COMMD1: variants seen among roughly 807,000 people sequenced by gnomAD.
COMMD1 encodes copper metabolism domain containing 1.
COMMD1 carries 10 observed loss-of-function variants against 17.2 expected under a neutral mutation model. That is an observed-to-expected ratio of 0.58 (90% CI 0.36 to 0.99). COMMD1 has a LOEUF of 0.99. Among genes scored for constraint, COMMD1 ranks in the 50% least tolerant of loss-of-function variants. The pLI, the probability that COMMD1 is intolerant of heterozygous loss-of-function variation, is 0.01. For missense variants in COMMD1, 270 were observed against 231.8 expected (o/e 1.17, Z -1.07); for synonymous variants, 97 against 91.6 (o/e 1.06, Z -0.34).
intron 2 of COMMD1, among the ~76,000 whole-genome samples, chr2:62,057,120 G>A (rs1400191605): frequency 6.6e-6 from 1 of 151,970 alleles, no homozygotes; most frequent in Non-Finnish European, 1.5e-5. Flanking sequence ...AGGAAAACAA[G>A]TTCAGGGCTC....
At chr2:61,951,531 A>G (rs540299222) in intron 1 of COMMD1, among the ~76,000 whole-genome samples, 1 of 152,100 alleles carries the variant, frequency 6.6e-6, no homozygotes, top group Admixed American at 6.6e-5. Context: ...CTTTATTCCA[A>G]CTCTGTGGAT....
chr2:62,001,154 CAG>C, intron 2 of COMMD1, 172 bp downstream of exon 2: 1 of 678,236 alleles, frequency 1.5e-6, no homozygotes, highest in Non-Finnish European at 2.5e-6. Context: ...CACTTGTGGA[CAG>C]AGTCTGGAAA....
chr2:62,101,375 C>T (rs962155915), intron 2 of COMMD1, among the ~76,000 whole-genome samples: 5 of 152,074 alleles, frequency 3.3e-5, no homozygotes, highest in South Asian at 2.1e-4. Context: ...TTTGGAAGGC[C>T]GAGATGGGAG....
At chr2:62,018,099 GC>G (rs1337563594) in intron 2 of COMMD1, among the ~76,000 whole-genome samples, 1 of 151,992 alleles carries the variant, frequency 6.6e-6, no homozygotes, top group Non-Finnish European at 1.5e-5. Flanking sequence ...TGGGTAGCAG[GC>G]CCATACGCAT....
chr2:61,928,046 T>G (rs1301745165), intron 1 of COMMD1, among the ~76,000 whole-genome samples: 1 of 152,144 alleles, frequency 6.6e-6, no homozygotes, highest in East Asian at 1.9e-4. Flanking sequence ...ATTACAGGTG[T>G]TAGCCACTGT....
chr2:62,134,201 A>C (rs1673123479), intron 2 of COMMD1, among the ~76,000 whole-genome samples: 1 of 152,116 alleles, frequency 6.6e-6, no homozygotes. Flanking sequence ...CTTCAGCACA[A>C]AGTAACCTAT....
chr2:61,910,454 C>T (rs1429703951), intron 1 of COMMD1, among the ~76,000 whole-genome samples: 3 of 152,062 alleles, frequency 2.0e-5, no homozygotes, highest in African/African-American at 4.8e-5. Context: ...ACCACGTTGG[C>T]CAAGCTGGTC....
intron 1 of COMMD1, among the ~76,000 whole-genome samples, chr2:61,997,829 C>G (rs773989841): frequency 3.3e-5 from 5 of 152,176 alleles, no homozygotes; most frequent in Non-Finnish European, 7.3e-5. Context: ...TTCTCTCTAG[C>G]TGTGAAAGTC....
chr2:62,034,495 AAAAAG>A (rs890161079), intron 2 of COMMD1, among the ~76,000 whole-genome samples: 1 of 152,204 alleles, frequency 6.6e-6, no homozygotes, highest in African/African-American at 2.4e-5. Flanking sequence ...CTCAGTCTCA[AAAAAG>A]AAAAGAAAAG....
chr2:61,915,728 C>T (rs1164568361), intron 1 of COMMD1: 4 of 453,220 alleles, frequency 8.8e-6, no homozygotes, highest in African/African-American at 2.0e-5. Flanking sequence ...AATTCCTGGG[C>T]TTAAGCAACC....
chr2:61,890,622 C>A (rs1669406173), intron 1 of COMMD1, among the ~76,000 whole-genome samples: 1 of 151,932 alleles, frequency 6.6e-6, no homozygotes. Flanking sequence ...GGGTGGATCG[C>A]TTTAGGTCAG....
intron 2 of COMMD1, among the ~76,000 whole-genome samples, chr2:62,134,459 C>T (rs141421715): frequency 1.6e-3 from 246 of 152,084 alleles, no homozygotes; most frequent in African/African-American, 5.7e-3. Context: ...AATGTAGTTG[C>T]TCCTAGATAC....
intron 2 of COMMD1, among the ~76,000 whole-genome samples, chr2:62,044,041 C>T (rs1670308452): frequency 6.6e-6 from 1 of 152,124 alleles, no homozygotes; most frequent in Admixed American, 6.6e-5. Context: ...TCATGATCCT[C>T]ATGTAGTAAA....
rs6545918 is a variant in COMMD1, at chr2:61,984,225, A to T, written c.181-16476A>T. 3.9e-5 allele frequency among the ~76,000 whole-genome samples: 6 copies of T among 152,192 alleles called. No homozygotes were observed. In the East Asian group the frequency reaches 5.8e-4, roughly 15 times the overall value. On this transcript the variant is annotated intron_variant, in intron 1 of 2. Coordinates refer to ENST00000311832, the MANE Select transcript of COMMD1 (RefSeq NM_152516.4). ...GTTTTTAGTAGAGATGGGGTTTCTCAGTGTTGGCCAGGTTGGTCTCGAACT... is the reference window on the plus strand; with the variant it reads ...GTTTTTAGTAGAGATGGGGTTTCTCTGTGTTGGCCAGGTTGGTCTCGAACT...
intron 2 of COMMD1, among the ~76,000 whole-genome samples, chr2:62,052,405 T>G (rs996905522): frequency 2.0e-5 from 3 of 152,288 alleles, no homozygotes; most frequent in African/African-American, 7.2e-5. Flanking sequence ...AGTCCGGAGA[T>G]AGGCTCTGTC....
At chr2:61,895,642 C>G (rs1229507361) in intron 1 of COMMD1, among the ~76,000 whole-genome samples, 1 of 152,142 alleles carries the variant, frequency 6.6e-6, no homozygotes, top group Non-Finnish European at 1.5e-5. Context: ...GCTACCCATG[C>G]CCCAGGAAGC....
chr2:61,902,944 A>G (rs1669689278), upstream of COMMD1, among the ~76,000 whole-genome samples: 1 of 152,190 alleles, frequency 6.6e-6, no homozygotes, highest in Non-Finnish European at 1.5e-5. Context: ...TTTGTAAATT[A>G]CGTGTTTAAT....
At chr2:61,972,366 C>T (rs919217058) in intron 1 of COMMD1, among the ~76,000 whole-genome samples, 70 of 152,102 alleles carry the variant, frequency 4.6e-4, no homozygotes, top group Non-Finnish European at 4.0e-4. Flanking sequence ...TATTATAGAC[C>T]TGTACAAAAT....
intron 1 of COMMD1, among the ~76,000 whole-genome samples, chr2:61,945,788 G>A (rs1479865734): frequency 1.3e-5 from 2 of 152,206 alleles, no homozygotes; most frequent in Non-Finnish European, 2.9e-5. Flanking sequence ...GTCATAGGCA[G>A]ATTTAAAGAC....
Sources: gnomAD v4.1 joint callset for allele counts (sites outside exome capture counted in the v4.1 genomes callset) on GRCh38, gnomAD v4.1.1 for gene constraint, MANE v1.5 for transcripts, NCBI Gene and HGNC (gene_info 2026-07-23, HGNC 2026-07-21) for gene names.